EXPH5: variants seen among roughly 807,000 people sequenced by gnomAD.
EXPH5 encodes the protein exophilin 5, also known as exophilin-5.
In EXPH5, 42 loss-of-function variants were observed where a neutral mutation model predicts 41.1. That is an observed-to-expected ratio of 1.02 (90% CI 0.80 to 1.32). EXPH5 has a LOEUF of 1.32. Ranked by LOEUF, EXPH5 falls within the 40% of genes most tolerant of loss-of-function variation. EXPH5 has a pLI of 0.00. For missense variants in EXPH5, 2,298 were observed against 2,314.5 expected, an observed-to-expected ratio of 0.99 and a Z score of 0.15; for synonymous variants, 798 against 833.5, an observed-to-expected ratio of 0.96 and a Z score of 0.73.
intron 4 of EXPH5, among the ~76,000 whole-genome samples, chr11:108,523,082 C>T (rs1246920692): frequency 6.6e-6 from 1 of 151,924 alleles, no homozygotes. Context: ...TGCTATGTTG[C>T]CCAGGCTGGT....
chr11:108,509,736 T>A lies in EXPH5; in HGVS notation c.5771A>T (p.Asp1924Val). 1.9e-6 allele frequency: 3 copies of A among 1,607,868 alleles called. No individual in the cohort carries two copies. Among genetic ancestry groups the A allele is most frequent in the Non-Finnish European group, 2.5e-6 (3 of 1,178,194 alleles). The stretch of plus-strand genomic sequence containing the variant: ...GGGGTTGGGAGGGTTCCTCAAATCA[T>A]CTTTTAGGAAGCCAGGGTTCTTAAG... The part of the protein sequence containing the change: ...SFLKNPGFLK[D>V]DLRNPPNPSE... The change falls in exon 6 of 6, where the codon GAT (aspartate) becomes GTT (valine). Residue 1924 changes from aspartate (D) to valine (V), a missense_variant. Coordinates refer to ENST00000265843, the MANE Select transcript of EXPH5 (RefSeq NM_015065.3).
At chr11:108,605,138 T>G in the EXPH5 span, among the ~76,000 whole-genome samples, 1 of 152,070 alleles carries the variant, frequency 6.6e-6, no homozygotes, top group African/African-American at 2.4e-5. Context: ...AAGTTCCAGG[T>G]GGAAACGGGT....
intron 1 of EXPH5, among the ~76,000 whole-genome samples, chr11:108,589,149 T>C (rs956985948): frequency 2.0e-5 from 3 of 152,218 alleles, no homozygotes; most frequent in African/African-American, 7.2e-5. Flanking sequence ...ATGAAAACCT[T>C]TCATAGACTG....
intron 1 of EXPH5, among the ~76,000 whole-genome samples, chr11:108,560,497 A>G (rs866824943): frequency 2.0e-5 from 3 of 152,382 alleles, no homozygotes; most frequent in Middle Eastern, 3.4e-3. Flanking sequence ...CTGCAGAATC[A>G]CACGCCAAAG....
chr11:108,515,744 A>G (rs2093720775), intron 5 of EXPH5, among the ~76,000 whole-genome samples: 2 of 152,166 alleles, frequency 1.3e-5, no homozygotes, highest in African/African-American at 4.8e-5. Context: ...ATCCATGCAT[A>G]CAACCACTGT....
the EXPH5 span, among the ~76,000 whole-genome samples, chr11:108,605,032 G>A: frequency 1.3e-5 from 2 of 152,130 alleles, no homozygotes; most frequent in Admixed American, 1.3e-4. Context: ...TGGACAGGAG[G>A]GAGATTCCCT....
rs1335995703 is a variant in EXPH5, at chr11:108,507,764, A to C, written c.*1773T>G. ...AGCAAAGAATGAATTCCAGGGTGTC[A>C]GATCTGACTTGATGGCATTTTAGGG... On this transcript the variant is annotated 3_prime_UTR_variant, in exon 6 of 6. Transcript: ENST00000265843. 1 of 152,178 alleles carries C rather than the reference A, an allele frequency of 6.6e-6. No homozygotes were observed. The highest frequency in any genetic ancestry group is 1.5e-5 in the Non-Finnish European group (1 of 68,038). The allele number at this position is 152,178 out of a possible 1,614,324, so 9.4% of individuals were successfully genotyped here.
At chr11:108,594,169 T>C (rs1205861566), upstream of EXPH5, among the ~76,000 whole-genome samples, 1 of 152,166 alleles carries the variant, frequency 6.6e-6, no homozygotes, top group Admixed American at 6.5e-5. Context: ...TAAACTCAAT[T>C]ACACTACTGA....
At chr11:108,537,532 G>A (rs2093886997) in intron 3 of EXPH5, among the ~76,000 whole-genome samples, 1 of 152,216 alleles carries the variant, frequency 6.6e-6, no homozygotes, top group Admixed American at 6.5e-5. Context: ...AAAGAGAGCT[G>A]CAAGTATTTT....
intron 4 of EXPH5, among the ~76,000 whole-genome samples, chr11:108,527,063 T>C (rs2093804577): frequency 6.6e-6 from 1 of 152,164 alleles, no homozygotes; most frequent in Admixed American, 6.5e-5. Flanking sequence ...CTCACGCCTG[T>C]AATCCCAGCA....
At chr11:108,527,987 G>A in intron 4 of EXPH5, 149 bp downstream of exon 4, 1 of 579,870 alleles carries the variant, frequency 1.7e-6, no homozygotes, top group Admixed American at 3.2e-5. Flanking sequence ...AAATATAATT[G>A]GGAAAATTTG....
At chr11:108,529,157 A>C (rs2093820204) in intron 3 of EXPH5, among the ~76,000 whole-genome samples, 1 of 152,140 alleles carries the variant, frequency 6.6e-6, no homozygotes, top group Non-Finnish European at 1.5e-5. Flanking sequence ...GAGAGAAAAA[A>C]ACCACTACAA....
intron 1 of EXPH5, among the ~76,000 whole-genome samples, chr11:108,573,072 G>C (rs1184343830): frequency 7.4e-6 from 1 of 134,276 alleles, no homozygotes; most frequent in Non-Finnish European, 1.6e-5. Flanking sequence ...AAAAAAATAA[G>C]AGAGAGAGAG....
chr11:108,586,073 G>T (rs2094112025), intron 1 of EXPH5, among the ~76,000 whole-genome samples: 1 of 152,106 alleles, frequency 6.6e-6, no homozygotes, highest in Non-Finnish European at 1.5e-5. Flanking sequence ...TGAGTAGCTG[G>T]GACCACAGAC....
chr11:108,575,724 A>G lies in EXPH5; in HGVS notation c.119+17694T>C, dbSNP rs534432315. Among the ~76,000 whole-genome samples, 9 of 152,356 alleles carry G rather than the reference A, an allele frequency of 5.9e-5. No homozygotes were observed. The South Asian group carries it at 1.9e-3, about 32-fold the overall frequency. ...TGCGGTGGCTCATGCCTGTAATCCC[A>G]GCACTTTGGGAGGCCGAGGCAGGCA... is the stretch of plus-strand genomic sequence containing the variant. On this transcript the variant is annotated intron_variant, in intron 1 of 5. Coordinates refer to ENST00000265843, the MANE Select transcript of EXPH5 (RefSeq NM_015065.3).
At chr11:108,537,270 T>A (rs2093885561) in intron 3 of EXPH5, among the ~76,000 whole-genome samples, 2 of 152,216 alleles carry the variant, frequency 1.3e-5, no homozygotes, top group Non-Finnish European at 2.9e-5. Context: ...TGCTTTTATA[T>A]TTCATCTTCT....
chr11:108,521,181 CA>C, intron 4 of EXPH5, among the ~76,000 whole-genome samples: 1 of 152,174 alleles, frequency 6.6e-6, no homozygotes, highest in Non-Finnish European at 1.5e-5. Flanking sequence ...TGACCTTCAC[CA>C]CTATGTTTTG....
Position 108,512,852 on chromosome 11 carries a change from TG to T in EXPH5, c.2654del (p.Pro885GlnfsTer34). On this transcript the variant is annotated frameshift_variant, in exon 6 of 6. Transcript: ENST00000265843. LOFTEE classifies it low-confidence loss of function (END_TRUNC). ...DSLDLSSAAL[P>X]DSSPSKNSSL... ...AAGAATTCTTTGATGGTGAGGAATCTGGTAGTGCAGCTGATGACAGATCTAA... is the reference window on the plus strand; with the variant it reads ...AAGAATTCTTTGATGGTGAGGAATCTGTAGTGCAGCTGATGACAGATCTAA... 6.2e-7 allele frequency: 1 copy of T among 1,614,178 alleles called. No homozygotes were observed. The highest frequency in any genetic ancestry group is 8.5e-7 in the Non-Finnish European group (1 of 1,179,970).
chr11:108,538,986 T>A (rs368669911), intron 3 of EXPH5, 38 bp downstream of exon 3: 28 of 1,495,372 alleles, frequency 1.9e-5, no homozygotes, highest in Non-Finnish European at 2.5e-5. Context: ...TGATATCGGA[T>A]AACAAATGGG....
Sources: gnomAD v4.1 joint callset for allele counts (sites outside exome capture counted in the v4.1 genomes callset) on GRCh38, gnomAD v4.1.1 for gene constraint, MANE v1.5 for transcripts, NCBI Gene and HGNC (gene_info 2026-07-23, HGNC 2026-07-21) for gene names.